MTUS2: variants seen among roughly 807,000 people sequenced by gnomAD.
MTUS2 encodes the protein microtubule associated scaffold protein 2, also known as microtubule-associated tumor suppressor candidate 2.
Under a neutral mutation model 114.1 loss-of-function variants are expected in MTUS2, and 40 were observed. That is an observed-to-expected ratio of 0.35 (90% CI 0.27 to 0.46). The LOEUF (loss-of-function observed/expected upper bound fraction) is 0.46, where lower values mean the gene tolerates loss of function less well. Among genes scored for constraint, MTUS2 ranks in the 20% least tolerant of loss-of-function variants. The pLI is 1.00. For missense variants in MTUS2, 1,679 were observed against 1,705.4 expected (o/e 0.98, Z 0.27); for synonymous variants, 688 against 672.0 (o/e 1.02, Z -0.37).
At chr13:29,031,269 T>TGTGTGTGTGTGTGTGTGTGTGTGG (rs1223710633) in intron 3 of MTUS2, among the ~76,000 whole-genome samples, 1 of 128,098 alleles carries the variant, frequency 7.8e-6, no homozygotes, top group Non-Finnish European at 1.7e-5. Flanking sequence ...TGTGTGTGTG[T>TGTGTGTGTGTGTGTGTGTGTGTGG]GGTGTGTGTT....
chr13:29,386,781 TAGC>T (rs989101885), intron 8 of MTUS2, among the ~76,000 whole-genome samples: 8 of 152,304 alleles, frequency 5.3e-5, no homozygotes, highest in South Asian at 2.1e-4. Context: ...ACATTCTAAA[TAGC>T]AGAGATTTTA....
intron 6 of MTUS2, among the ~76,000 whole-genome samples, chr13:29,290,302 G>A (rs1195347391): frequency 6.6e-6 from 1 of 152,050 alleles, no homozygotes; most frequent in East Asian, 1.9e-4. Context: ...TCCTGTAAGT[G>A]TCTCTGCTAG....
Position 29,281,784 on chromosome 13 carries a change from G to A in MTUS2, c.2725G>A (p.Val909Met), listed in dbSNP as rs1167163395. Reference sequence around the variant, plus strand: ...GGACACACCCAAGGGGGCCGGCCGGGTGGCCCCTCCAGCATCCTCCAGTGT... The same window carrying A: ...GGACACACCCAAGGGGGCCGGCCGGATGGCCCCTCCAGCATCCTCCAGTGT... ...SKDTPKGAGR[V>M]APPASSSVTA... The change falls in exon 6 of 16, where the codon GTG (valine) becomes ATG (methionine). Residue 909 changes from valine (V) to methionine (M), a missense_variant. By Grantham distance (21) the Val-to-Met change is conservative (BLOSUM62 1). Coordinates refer to ENST00000612955, the MANE Select transcript of MTUS2 (RefSeq NM_001033602.4). 6.2e-7 allele frequency: 1 copy of A among 1,612,406 alleles called. No homozygotes were observed.
At chr13:29,068,758 A>G (rs1888777560) in intron 4 of MTUS2, among the ~76,000 whole-genome samples, 1 of 152,170 alleles carries the variant, frequency 6.6e-6, no homozygotes, top group South Asian at 2.1e-4. Context: ...GGAATGGTAT[A>G]TGTAAAGATT....
At chr13:29,373,406 C>T (rs1161317544) in intron 8 of MTUS2, among the ~76,000 whole-genome samples, 1 of 152,094 alleles carries the variant, frequency 6.6e-6, no homozygotes, top group Non-Finnish European at 1.5e-5. Context: ...AGCTTTTTGG[C>T]TCGAGGACTA....
chr13:28,894,347 A>AGAGT (rs1262013602), intron 2 of MTUS2, among the ~76,000 whole-genome samples: 1 of 92,296 alleles, frequency 1.1e-5, no homozygotes, highest in Non-Finnish European at 2.1e-5. Context: ...AGAGAGAGAG[A>AGAGT]GAGTGAGAGT....
chr13:29,123,917 G>A (rs1891413830), intron 5 of MTUS2, among the ~76,000 whole-genome samples: 1 of 152,160 alleles, frequency 6.6e-6, no homozygotes, highest in African/African-American at 2.4e-5. Flanking sequence ...TCATTCCAGG[G>A]GGTATTGTCC....
chr13:29,298,639 T>C (rs1449383520), intron 6 of MTUS2, among the ~76,000 whole-genome samples: 2 of 152,182 alleles, frequency 1.3e-5, no homozygotes, highest in Non-Finnish European at 2.9e-5. Flanking sequence ...TAAAATAAAA[T>C]ATTCAGTCTT....
At chr13:29,090,208 A>G (rs1198408821) in intron 4 of MTUS2, among the ~76,000 whole-genome samples, 3 of 152,200 alleles carry the variant, frequency 2.0e-5, no homozygotes, top group Non-Finnish European at 4.4e-5. Context: ...AGGCTCAGTC[A>G]GTACTCCTGG....
chr13:29,155,782 C>T (rs1404195225), intron 5 of MTUS2, among the ~76,000 whole-genome samples: 1 of 151,956 alleles, frequency 6.6e-6, no homozygotes, highest in African/African-American at 2.4e-5. Context: ...TGTATATATA[C>T]ATGTATACTC....
intron 4 of MTUS2, among the ~76,000 whole-genome samples, chr13:29,095,284 T>A (rs959354392): frequency 2.6e-5 from 4 of 152,160 alleles, no homozygotes; most frequent in Non-Finnish European, 4.4e-5. Context: ...TGTTTATTTC[T>A]CCTGTCAATT....
Position 29,141,366 on chromosome 13 carries a change from A to C in MTUS2, c.2644+40396A>C, listed in dbSNP as rs1325199501. 4.6e-5 allele frequency among the ~76,000 whole-genome samples: 7 copies of C among 152,336 alleles called. No individual in the cohort carries two copies. The East Asian group carries it at 1.4e-3, about 29-fold the overall frequency. ...AGAAGCTTCCTGAAGGTAAGCCTTA[A>C]CAGATACATTGGAAATATCCAGGCA... On this transcript the variant is annotated intron_variant, in intron 5 of 15. Coordinates refer to ENST00000612955, the MANE Select transcript of MTUS2 (RefSeq NM_001033602.4).
At chr13:29,027,059 A>C (rs1886594038) in intron 3 of MTUS2, among the ~76,000 whole-genome samples, 156 bp downstream of exon 3, 1 of 152,180 alleles carries the variant, frequency 6.6e-6, no homozygotes, top group African/African-American at 2.4e-5. Context: ...ACTAGAGGAG[A>C]TTGTCTAGAG....
chr13:29,176,676 C>T (rs1478136222), intron 5 of MTUS2, among the ~76,000 whole-genome samples: 9 of 152,148 alleles, frequency 5.9e-5, no homozygotes, highest in Admixed American at 1.3e-4. Context: ...ATCCCTTTCA[C>T]GAGGGCTCCA....
intron 2 of MTUS2, among the ~76,000 whole-genome samples, chr13:28,922,764 A>G (rs1442206793): frequency 6.6e-6 from 1 of 152,110 alleles, no homozygotes; most frequent in Non-Finnish European, 1.5e-5. Flanking sequence ...TGCCTCTTTC[A>G]GTGATATGAA....
intron 2 of MTUS2, among the ~76,000 whole-genome samples, chr13:28,932,061 C>A (rs952436547): frequency 6.6e-6 from 1 of 152,166 alleles, no homozygotes; most frequent in African/African-American, 2.4e-5. Context: ...TTCAAATTGA[C>A]TAACAGCCAT....
At chr13:29,102,293 G>A (rs1182039398) in intron 5 of MTUS2, among the ~76,000 whole-genome samples, 1 of 152,226 alleles carries the variant, frequency 6.6e-6, no homozygotes, top group Non-Finnish European at 1.5e-5. Context: ...CTTTTTTAGA[G>A]AAAGTAGTAT....
chr13:28,896,357 C>T (rs1254496192), intron 2 of MTUS2, among the ~76,000 whole-genome samples: 2 of 152,102 alleles, frequency 1.3e-5, no homozygotes, highest in African/African-American at 2.4e-5. Context: ...ACGTGAAGGA[C>T]CTCTTCAAGG....
Position 29,026,873 on chromosome 13 carries a change from C to T in MTUS2, c.2175C>T (p.Phe725=). The T allele has an allele frequency of 6.3e-7, 1 of 1,598,840 alleles. No homozygotes were observed. The highest frequency in any genetic ancestry group is 8.5e-7 in the Non-Finnish European group (1 of 1,178,134). The change falls in exon 3 of 16, where the codon TTC becomes TTT. Residue 725 remains phenylalanine, a synonymous_variant. Transcript: ENST00000612955. The part of the protein sequence containing the change: ...VSGIKPPGHP[F]SQMSEKFLQE... The stretch of plus-strand genomic sequence containing the variant: ...GAATCAAGCCCCCGGGACATCCTTT[C>T]AGTCAAATGAGTGAAAAGTTTTTGC...
Sources: gnomAD v4.1 joint callset for allele counts (sites outside exome capture counted in the v4.1 genomes callset) on GRCh38, gnomAD v4.1.1 for gene constraint, MANE v1.5 for transcripts, NCBI Gene and HGNC (gene_info 2026-07-23, HGNC 2026-07-21) for gene names.